The following GLT8D2 variants were observed in gnomAD, a reference collection of about 807,000 sequenced individuals.
The protein encoded by GLT8D2 is glycosyltransferase 8 domain-containing protein 2.
A neutral mutation model predicts 44.5 loss-of-function variants in GLT8D2; 45 were observed. That is an observed-to-expected ratio of 1.01 (90% CI 0.80 to 1.30). The LOEUF is 1.30. GLT8D2 is among the 50% of genes most tolerant of loss of function. The probability of loss-of-function intolerance (pLI) is 0.00; values close to 1 mark genes in which losing one functional copy is unlikely to be tolerated. For missense variants in GLT8D2, 400 were observed against 430.4 expected (o/e 0.93, Z 0.62); for synonymous variants, 156 against 157.2 (o/e 0.99, Z 0.06).
intron 10 of GLT8D2, 96 bp downstream of exon 10, chr12:103,993,296 A>G: frequency 1.1e-6 from 1 of 925,500 alleles, no homozygotes; most frequent in Non-Finnish European, 1.7e-6. Flanking sequence ...ACGCCATTGC[A>G]CTCCAGCCTG....
At chr12:104,033,993 A>G (rs1879649878) in intron 1 of GLT8D2, among the ~76,000 whole-genome samples, 1 of 152,086 alleles carries the variant, frequency 6.6e-6, no homozygotes, top group Non-Finnish European at 1.5e-5. Flanking sequence ...GAATATATAC[A>G]TTTTTTATTT....
rs143889059 is a variant in GLT8D2 at position 103,996,825 on chromosome 12, G to A, written c.510C>T (p.Asp170=). The A allele has an allele frequency of 8.2e-5, 133 of 1,613,240 alleles. No individual in the cohort carries two copies. Among genetic ancestry groups the A allele is most frequent in the Non-Finnish European group, 3.4e-5 (40 of 1,179,622 alleles). ...IVQGDIQELY[D]TTLALGHAAA... is the part of the protein sequence containing the mutation. ...CCGCGTGGCCCAGGGCCAAGGTGGTGTCATACAGTTCTTGGATATCACCTG... is the reference window on the plus strand; with the variant it reads ...CCGCGTGGCCCAGGGCCAAGGTGGTATCATACAGTTCTTGGATATCACCTG... The change falls in exon 8 of 11, where the codon GAC becomes GAT. Residue 170 remains aspartate (D), a synonymous_variant. Transcript: ENST00000360814.
chr12:104,019,975 A>G (rs1191107041), intron 2 of GLT8D2, among the ~76,000 whole-genome samples: 1 of 152,124 alleles, frequency 6.6e-6, no homozygotes, highest in Non-Finnish European at 1.5e-5. Flanking sequence ...GCTGGAATGC[A>G]GTGGTGCGAT....
At chr12:104,051,121 C>CT (rs34909090), upstream of GLT8D2, among the ~76,000 whole-genome samples, 40,173 of 145,468 alleles carry the variant, frequency 0.28, 7,406 homozygotes, top group African/African-American at 0.52. Context: ...GCCAATTTTA[C>CT]TTTTTTTTTT....
intron 1 of GLT8D2, among the ~76,000 whole-genome samples, chr12:104,037,409 C>T (rs186877776): frequency 2.6e-5 from 4 of 151,928 alleles, no homozygotes; most frequent in Non-Finnish European, 2.9e-5. Context: ...AAATAGACTG[C>T]TAGCAAGAAT....
chr12:104,021,930 GAAGAAGAAGAAGAAGAAGAA>G (rs1566202396), intron 1 of GLT8D2, among the ~76,000 whole-genome samples: 448 of 24,720 alleles, frequency 0.018, 31 homozygotes, highest in East Asian at 0.055. Flanking sequence ...AGAAGAAGAA[GAAGAAGAAGAAGAAGAAGAA>G]GAAGAGGAAG....
Position 104,035,447 on chromosome 12 carries a change from GAACA to G in GLT8D2, c.-163-13960_-163-13957del, listed in dbSNP as rs548289125. 5.5e-3 allele frequency among the ~76,000 whole-genome samples: 840 copies of G among 152,248 alleles called. 6 individuals carry two copies. The highest frequency in any genetic ancestry group is 0.019 in the African/African-American group (777 of 41,536). On this transcript the variant is annotated intron_variant, in intron 1 of 10. Transcript: ENST00000360814. ...AAAAGATTATACAAATGGCAAACTA[GAACA>G]AACAGTGTACAGAGGACCTTAAATG...
chr12:104,059,844 A>G (rs1882478299), intron 1 of GLT8D2, among the ~76,000 whole-genome samples: 2 of 152,160 alleles, frequency 1.3e-5, no homozygotes, highest in African/African-American at 4.8e-5. Context: ...TTCTGGGCCC[A>G]CAAGTCTCAC....
At chr12:104,002,461 A>C (rs1286023405) in intron 5 of GLT8D2, among the ~76,000 whole-genome samples, 1 of 152,200 alleles carries the variant, frequency 6.6e-6, no homozygotes, top group Non-Finnish European at 1.5e-5. Flanking sequence ...TGTATTTTTC[A>C]TCATTGTAAA....
At chr12:104,007,418 G>T (rs766074253) in intron 4 of GLT8D2, among the ~76,000 whole-genome samples, 1 of 152,030 alleles carries the variant, frequency 6.6e-6, no homozygotes, top group Non-Finnish European at 1.5e-5. Flanking sequence ...TGCATTTTGT[G>T]TAATTTAAGA....
intron 5 of GLT8D2, among the ~76,000 whole-genome samples, chr12:104,002,679 C>G (rs749801389): frequency 6.6e-6 from 1 of 152,218 alleles, no homozygotes; most frequent in Non-Finnish European, 1.5e-5. Flanking sequence ...TGTGGTGGCT[C>G]ACACCTGTAA....
intron 6 of GLT8D2, among the ~76,000 whole-genome samples, chr12:103,997,746 C>T (rs369445758): frequency 3.3e-5 from 5 of 152,120 alleles, no homozygotes; most frequent in South Asian, 2.1e-4. Context: ...ACGGATCGGC[C>T]GTTCTCCTAG....
chr12:104,048,257 A>G (rs1881377907), intron 1 of GLT8D2, among the ~76,000 whole-genome samples: 1 of 152,200 alleles, frequency 6.6e-6, no homozygotes, highest in South Asian at 2.1e-4. Context: ...GCTCCTAGAA[A>G]TGTTAACCTA....
intron 6 of GLT8D2, 37 bp downstream of exon 6, chr12:103,999,360 A>G: frequency 8.5e-7 from 1 of 1,180,090 alleles, no homozygotes; most frequent in South Asian, 1.2e-5. Context: ...AGGTCTCACC[A>G]AGGACTGTCC....
At chr12:104,059,454 A>G (rs771294171) in intron 1 of GLT8D2, among the ~76,000 whole-genome samples, 96 of 152,336 alleles carry the variant, frequency 6.3e-4, no homozygotes, top group Middle Eastern at 3.4e-3. Context: ...TCTACATTCC[A>G]GACAGCAGGA....
In GLT8D2 at chr12:104,015,060, A is replaced by G. The variant is rs143981260; in HGVS notation, c.65T>C (p.Ile22Thr). 3.1e-4 allele frequency: 502 copies of G among 1,613,874 alleles called. No homozygotes were observed. The highest frequency in any genetic ancestry group is 3.8e-4 in the Non-Finnish European group (448 of 1,179,900). Residue 22 changes from isoleucine to threonine, a missense_variant, in exon 4 of 11, where the codon ATT becomes ACT. Coordinates refer to ENST00000360814, the MANE Select transcript of GLT8D2 (RefSeq NM_001384711.1). The stretch of plus-strand genomic sequence containing the variant: ...CCCCTTATGAACTTTCTTATACAGA[A>G]TCACACAGAGGGTCACGATCAGAAG... The part of the protein sequence containing the change: ...LFLLIVTLCV[I>T]LYKKVHKGTV...
chr12:104,059,804 T>C (rs1173859374), intron 1 of GLT8D2, among the ~76,000 whole-genome samples: 2 of 152,176 alleles, frequency 1.3e-5, no homozygotes, highest in Non-Finnish European at 2.9e-5. Flanking sequence ...GTTGTGCTCT[T>C]CCGACCTTTT....
chr12:104,001,088 T>G (rs1358470004), intron 5 of GLT8D2, among the ~76,000 whole-genome samples: 1 of 152,364 alleles, frequency 6.6e-6, no homozygotes, highest in East Asian at 1.9e-4. Flanking sequence ...AACACATACA[T>G]GTACATGTAC....
chr12:104,016,807 G>GAAGGAAGGAAGA (rs1876829875), intron 3 of GLT8D2, among the ~76,000 whole-genome samples: 1 of 103,458 alleles, frequency 9.7e-6, no homozygotes, highest in African/African-American at 3.6e-5. Flanking sequence ...AGGAAGGAAG[G>GAAGGAAGGAAGA]AAAGAAAGAA....
Sources: gnomAD v4.1 joint callset for allele counts (sites outside exome capture counted in the v4.1 genomes callset) on GRCh38, gnomAD v4.1.1 for gene constraint, MANE v1.5 for transcripts, NCBI Gene and HGNC (gene_info 2026-07-23, HGNC 2026-07-21) for gene names.